Variants in KATNBL1 observed in about 807,000 individuals in gnomAD.
The protein encoded by KATNBL1 is katanin regulatory subunit B1 like 1.
KATNBL1 carries 28 observed loss-of-function variants against 44.7 expected under a neutral mutation model. That is an observed-to-expected ratio of 0.63 (90% CI 0.46 to 0.86). The LOEUF (loss-of-function observed/expected upper bound fraction) is 0.86. KATNBL1 is among the 40% of genes least tolerant of loss of function. The probability of loss-of-function intolerance (pLI) is 0.00; values close to 1 mark genes in which losing one functional copy is unlikely to be tolerated. For synonymous variants in KATNBL1, 78 were observed against 114.9 expected (o/e 0.68, Z 2.06); for missense variants, 272 against 350.7 (o/e 0.78, Z 1.79).
chr15:34,193,839 A>C (rs1464349998), intron 1 of KATNBL1, among the ~76,000 whole-genome samples: 2 of 105,084 alleles, frequency 1.9e-5, no homozygotes, highest in Non-Finnish European at 3.8e-5. Context: ...GTGACAGAGA[A>C]AGGCCCTGTC....
At chr15:34,144,419 A>AATATATATAT (rs148768731) in intron 9 of KATNBL1, among the ~76,000 whole-genome samples, 1 of 148,220 alleles carries the variant, frequency 6.7e-6, no homozygotes, top group Admixed American at 6.8e-5. Flanking sequence ...CTTATTTAGA[A>AATATATATAT]ATATATATAT....
intron 1 of KATNBL1, among the ~76,000 whole-genome samples, chr15:34,189,022 T>G (rs2140981952): frequency 6.6e-6 from 1 of 152,358 alleles, no homozygotes; most frequent in South Asian, 2.1e-4. Flanking sequence ...TTTAGGAATT[T>G]CATACAACCT....
At chr15:34,169,672 C>T (rs949356281) in intron 1 of KATNBL1, among the ~76,000 whole-genome samples, 4 of 152,324 alleles carry the variant, frequency 2.6e-5, no homozygotes, top group African/African-American at 9.6e-5. Context: ...CTGATGAACA[C>T]TGATGCGAAA....
intron 1 of KATNBL1, among the ~76,000 whole-genome samples, chr15:34,198,531 C>T (rs1890084905): frequency 6.6e-6 from 1 of 152,222 alleles, no homozygotes; most frequent in African/African-American, 2.4e-5. Flanking sequence ...TCCAGCAGGA[C>T]TTGCTGAGTA....
At chr15:34,209,542 G>T (rs1890376989) in intron 1 of KATNBL1, 2 of 152,178 alleles carry the variant, frequency 1.3e-5, no homozygotes, top group South Asian at 4.1e-4. Context: ...GGACCCGTCG[G>T]AAAATAAGGA....
chr15:34,145,536 A>G (rs964722209), intron 8 of KATNBL1, 45 bp from the exon 9 acceptor site: 88 of 1,359,630 alleles, frequency 6.5e-5, no homozygotes, highest in Non-Finnish European at 7.8e-5. Flanking sequence ...AAATACATTA[A>G]GATACAAACT....
chr15:34,202,717 G>A (rs528045486), intron 1 of KATNBL1, among the ~76,000 whole-genome samples: 2 of 152,126 alleles, frequency 1.3e-5, no homozygotes, highest in Non-Finnish European at 2.9e-5. Context: ...TCGGCCAGGC[G>A]CGGTGGTTCA....
chr15:34,164,551 T>G (rs1218850527), intron 1 of KATNBL1, among the ~76,000 whole-genome samples: 2 of 152,218 alleles, frequency 1.3e-5, no homozygotes, highest in African/African-American at 4.8e-5. Flanking sequence ...CCTCCTATTT[T>G]ACTAATTATA....
At position 34,157,460 on chromosome 15, in the gene KATNBL1, G is replaced by T. The variant is rs753883414; in HGVS notation, c.118-2776C>A. Among the ~76,000 whole-genome samples, 10 of 152,120 alleles carry T rather than the reference G, an allele frequency of 6.6e-5. 1 individual carries two copies. Among genetic ancestry groups the T allele is most frequent in the Non-Finnish European group, 1.3e-4 (9 of 68,008 alleles). ...AGGATGTGGTCCCTAGGCTGATGTT[G>T]GTGTACTGGAAACTCTAGGGGTGGT... is the stretch of plus-strand genomic sequence containing the variant. On this transcript the variant is annotated intron_variant, in intron 2 of 9. Transcript: ENST00000256544.
At chr15:34,184,927 T>G (rs562148591) in intron 1 of KATNBL1, among the ~76,000 whole-genome samples, 1 of 152,078 alleles carries the variant, frequency 6.6e-6, no homozygotes, top group South Asian at 2.1e-4. Context: ...CCTTCCTTCC[T>G]TTCTACTTCA....
At chr15:34,205,958 G>A (rs1215206683) in intron 1 of KATNBL1, among the ~76,000 whole-genome samples, 1 of 152,100 alleles carries the variant, frequency 6.6e-6, no homozygotes, top group Admixed American at 6.5e-5. Flanking sequence ...ATCACACTAA[G>A]ATGTAAAAGA....
At chr15:34,170,753 G>C in intron 1 of KATNBL1, among the ~76,000 whole-genome samples, 1 of 152,090 alleles carries the variant, frequency 6.6e-6, no homozygotes, top group African/African-American at 2.4e-5. Context: ...TAGACCAATG[G>C]AACAGAACAG....
chr15:34,167,960 A>T lies in KATNBL1; in HGVS notation c.-14-4270T>A, dbSNP rs574324706. Reference sequence around the variant, plus strand: ...GAAGCACTAAACATGGTTACGAACAACCAGTACCAGCCACTGCAAAAATAT... The same window carrying T: ...GAAGCACTAAACATGGTTACGAACATCCAGTACCAGCCACTGCAAAAATAT... On this transcript the variant is annotated intron_variant, in intron 1 of 9. Transcript: ENST00000256544. Among the ~76,000 whole-genome samples the T allele has an allele frequency of 5.9e-5, 9 of 152,346 alleles. No individual in the cohort carries two copies. The East Asian group carries it at 1.7e-3, about 29-fold the overall frequency.
chr15:34,144,576 CT>C (rs1202455212), intron 9 of KATNBL1, among the ~76,000 whole-genome samples: 278 of 144,508 alleles, frequency 1.9e-3, no homozygotes, highest in African/African-American at 4.5e-3. Flanking sequence ...TTTTTTCTTT[CT>C]TTTTTTTTTT....
rs568122540 is a variant in KATNBL1, at chr15:34,144,946, A to G, written c.882+452T>C. The G allele has an allele frequency of 2.6e-4, 115 of 437,186 alleles. No individual in the cohort carries two copies. In the South Asian group the frequency reaches 4.2e-3, roughly 16 times the overall value. The allele number at this position is 437,186 out of a possible 1,614,324, so 27.1% of individuals were successfully genotyped here. ...ACTTTTTCCTTTACGAGACAAATCA[A>G]TAAAGACCAAAGTCAAATTCACTGT... On this transcript the variant is annotated intron_variant, in intron 9 of 9. Transcript: ENST00000256544.
At chr15:34,148,796 G>T (rs1888385734) in intron 4 of KATNBL1, 46 bp from the exon 5 acceptor site, 3 of 1,047,852 alleles carry the variant, frequency 2.9e-6, no homozygotes, top group Middle Eastern at 2.0e-4. Flanking sequence ...CTGAAACAGG[G>T]TATGAAACTA....
At chr15:34,188,460 G>A (rs906422546) in intron 1 of KATNBL1, among the ~76,000 whole-genome samples, 2 of 152,144 alleles carry the variant, frequency 1.3e-5, no homozygotes, top group Non-Finnish European at 2.9e-5. Flanking sequence ...GGAGGCTGAG[G>A]CATGAGAATT....
At chr15:34,201,361 T>G (rs1355473017) in intron 1 of KATNBL1, among the ~76,000 whole-genome samples, 1 of 152,250 alleles carries the variant, frequency 6.6e-6, no homozygotes, top group African/African-American at 2.4e-5. Context: ...ACTTGTATAT[T>G]CACTAAATAT....
chr15:34,144,040 T>C (rs1374668050), intron 9 of KATNBL1, among the ~76,000 whole-genome samples: 2 of 148,468 alleles, frequency 1.3e-5, no homozygotes, highest in East Asian at 4.0e-4. Flanking sequence ...GGTTGATATA[T>C]CATTTTGCTT....
Sources: gnomAD v4.1 joint callset for allele counts (sites outside exome capture counted in the v4.1 genomes callset) on GRCh38, gnomAD v4.1.1 for gene constraint, MANE v1.5 for transcripts, NCBI Gene and HGNC (gene_info 2026-07-23, HGNC 2026-07-21) for gene names.